Variants in ADAM18 observed in about 807,000 individuals in gnomAD.
The protein encoded by ADAM18 is ADAM metallopeptidase domain 18.
Under a neutral mutation model 94.4 loss-of-function variants are expected in ADAM18, and 117 were observed. That is an observed-to-expected ratio of 1.24 (90% CI 1.07 to 1.45). The LOEUF (loss-of-function observed/expected upper bound fraction) is 1.45, where lower values mean the gene tolerates loss of function less well. ADAM18 is among the 40% of genes most tolerant of loss of function. The probability of loss-of-function intolerance (pLI) is 0.00; values close to 1 mark genes in which losing one functional copy is unlikely to be tolerated. For missense variants in ADAM18, 936 were observed against 880.0 expected, an observed-to-expected ratio of 1.06 and a Z score of -0.81; for synonymous variants, 327 against 291.6, an observed-to-expected ratio of 1.12 and a Z score of -1.24.
At chr8:39,585,031 G>A (rs749605886) in intron 1 of ADAM18, among the ~76,000 whole-genome samples, 3 of 152,106 alleles carry the variant, frequency 2.0e-5, no homozygotes, top group Admixed American at 2.0e-4. Flanking sequence ...ATTCTAAAAG[G>A]GAACCAGAGG....
intron 13 of ADAM18, among the ~76,000 whole-genome samples, chr8:39,665,001 A>C (rs919452788): frequency 2.0e-5 from 3 of 152,112 alleles, no homozygotes; most frequent in African/African-American, 7.2e-5. Flanking sequence ...CAAGTGTCAG[A>C]AGAAACATAT....
chr8:39,725,512 T>C (rs1822877817), intron 19 of ADAM18, among the ~76,000 whole-genome samples: 1 of 152,160 alleles, frequency 6.6e-6, no homozygotes, highest in Non-Finnish European at 1.5e-5. Flanking sequence ...CCCGCATCTC[T>C]TGGCAACCAC....
chr8:39,604,675 C>A (rs533598123), intron 2 of ADAM18: 1 of 152,330 alleles, frequency 6.6e-6, no homozygotes, highest in African/African-American at 2.4e-5. Context: ...AGTAAAAACT[C>A]TCTGAGGCCT....
chr8:39,588,356 T>C (rs1161634654), intron 2 of ADAM18, among the ~76,000 whole-genome samples: 2 of 152,210 alleles, frequency 1.3e-5, no homozygotes, highest in Admixed American at 1.3e-4. Context: ...GATGGTCATT[T>C]GTATGTTTTC....
chr8:39,725,720 T>A (rs1822885925), intron 19 of ADAM18, among the ~76,000 whole-genome samples: 1 of 152,184 alleles, frequency 6.6e-6, no homozygotes, highest in Admixed American at 6.5e-5. Context: ...TTCCATTACA[T>A]ACATTTGGCA....
chr8:39,615,033 C>T (rs1356230238), intron 6 of ADAM18, among the ~76,000 whole-genome samples: 3 of 152,072 alleles, frequency 2.0e-5, no homozygotes, highest in African/African-American at 4.8e-5. Context: ...CCACTGACAG[C>T]ATTAGACAAA....
intron 10 of ADAM18, among the ~76,000 whole-genome samples, chr8:39,643,894 C>T (rs1320757619): frequency 1.3e-5 from 2 of 151,414 alleles, no homozygotes; most frequent in Non-Finnish European, 2.9e-5. Context: ...TGCCCCAAAA[C>T]ATGATGGTCA....
chr8:39,614,425 G>C (rs1054340825), intron 6 of ADAM18, among the ~76,000 whole-genome samples: 1 of 152,160 alleles, frequency 6.6e-6, no homozygotes. Context: ...CAAATGCAGA[G>C]AGAATTTGTT....
chr8:39,606,545 A>G (rs1346358605), intron 3 of ADAM18, among the ~76,000 whole-genome samples, 183 bp downstream of exon 3: 1 of 152,190 alleles, frequency 6.6e-6, no homozygotes, highest in African/African-American at 2.4e-5. Flanking sequence ...GAGCTCTTTC[A>G]TTTTAATTTT....
chr8:39,695,266 G>A (rs960216200), intron 17 of ADAM18, among the ~76,000 whole-genome samples: 1 of 151,482 alleles, frequency 6.6e-6, no homozygotes, highest in African/African-American at 2.4e-5. Flanking sequence ...CACAATTACT[G>A]AGTCATATAA....
intron 17 of ADAM18, among the ~76,000 whole-genome samples, chr8:39,701,275 T>C (rs1355250662): frequency 6.6e-6 from 1 of 151,446 alleles, no homozygotes; most frequent in East Asian, 1.9e-4. Flanking sequence ...TTCTTATTTT[T>C]GATATGTTCA....
intron 2 of ADAM18, among the ~76,000 whole-genome samples, chr8:39,592,683 G>A (rs1373480481): frequency 6.6e-6 from 1 of 152,138 alleles, no homozygotes; most frequent in African/African-American, 2.4e-5. Flanking sequence ...AGACTCTGGG[G>A]ACTCCAAAAT....
At chr8:39,598,616 A>G (rs1267798930) in intron 2 of ADAM18, among the ~76,000 whole-genome samples, 1 of 151,792 alleles carries the variant, frequency 6.6e-6, no homozygotes, top group Non-Finnish European at 1.5e-5. Context: ...AAAAATATGA[A>G]AATTAACAGG....
At chr8:39,668,252 T>C in intron 14 of ADAM18, 56 bp downstream of exon 14, 1 of 1,497,148 alleles carries the variant, frequency 6.7e-7, no homozygotes, top group South Asian at 1.1e-5. Flanking sequence ...CTCTGTAGAG[T>C]ACATTATGTA....
intron 7 of ADAM18, among the ~76,000 whole-genome samples, chr8:39,634,736 C>T (rs547816835): frequency 1.3e-5 from 2 of 152,178 alleles, no homozygotes; most frequent in Admixed American, 1.3e-4. Flanking sequence ...CATAGACTCA[C>T]AGCTGGAAAT....
chr8:39,684,459 C>T (rs58859185), intron 16 of ADAM18, among the ~76,000 whole-genome samples: 10,575 of 152,210 alleles, frequency 0.069, 1,115 homozygotes, highest in African/African-American at 0.23. Flanking sequence ...AACTGGGGCA[C>T]GAACTGGGCC....
Position 39,680,194 on chromosome 8 carries a change from GTGGCTGA to G in ADAM18, c.1794_1800del (p.Asp599ProfsTer10). On this transcript the variant is annotated frameshift_variant, in exon 16 of 20. Transcript: ENST00000265707. LOFTEE classifies it high-confidence loss of function. Reference sequence around the variant, plus strand: ...ATCAGATGGAACAGACAATGCCTATGTGGCTGATGGCACCATGTGTGGTCCAGAAATG... The same window carrying G: ...ATCAGATGGAACAGACAATGCCTATGTGGCACCATGTGTGGTCCAGAAATG... 6.2e-7 allele frequency: 1 copy of G among 1,613,532 alleles called. No homozygotes were observed. Among genetic ancestry groups the G allele is most frequent in the Non-Finnish European group, 8.5e-7 (1 of 1,179,794 alleles).
chr8:39,723,960 C>T (rs1189415908), intron 19 of ADAM18, 53 bp downstream of exon 19: 1 of 1,085,618 alleles, frequency 9.2e-7, no homozygotes. Flanking sequence ...AGTCATTAAC[C>T]AGTGTCATGC....
At position 39,654,153 on chromosome 8, in the gene ADAM18, C is replaced by CTT. The variant is rs1563292600; in HGVS notation, c.1230+5626_1230+5627insTT. 1.0e-3 allele frequency among the ~76,000 whole-genome samples: 121 copies of CTT among 118,724 alleles called. 9 individuals carry two copies. The highest frequency in any genetic ancestry group is 3.1e-3 in the African/African-American group (90 of 29,270). The allele number at this position is 118,724 out of a possible 152,430, so 77.9% of individuals were successfully genotyped here. A position where few individuals can be genotyped will look rare whatever the true frequency, so the allele number is the denominator to read the frequency against. On this transcript the variant is annotated intron_variant, in intron 12 of 19. Coordinates refer to ENST00000265707, the MANE Select transcript of ADAM18 (RefSeq NM_014237.3). ...TTGCTGCCACTGACAGGATTTCATT[C>CTT]CTTTTTTTTTTTTTTTTTTTTGGAG...
Sources: gnomAD v4.1 joint callset for allele counts (sites outside exome capture counted in the v4.1 genomes callset) on GRCh38, gnomAD v4.1.1 for gene constraint, MANE v1.5 for transcripts, NCBI Gene and HGNC (gene_info 2026-07-23, HGNC 2026-07-21) for gene names.